The following C3orf70 variants were observed in gnomAD, a reference collection of about 807,000 sequenced individuals.
The protein encoded by C3orf70 is UPF0524 protein C3orf70.
In C3orf70, 15 loss-of-function variants were observed where a neutral mutation model predicts 20.7. That is an observed-to-expected ratio of 0.72 (90% CI 0.48 to 1.11). The LOEUF (loss-of-function observed/expected upper bound fraction) is 1.11. Ranked by LOEUF, C3orf70 falls within the 50% of genes most tolerant of loss-of-function variation. The pLI is 0.00. For synonymous variants in C3orf70, 161 were observed against 125.7 expected, an observed-to-expected ratio of 1.28 and a Z score of -1.88; for missense variants, 332 against 317.6, an observed-to-expected ratio of 1.05 and a Z score of -0.34.
At chr3:185,133,806 T>A (rs548751116) in intron 1 of C3orf70, among the ~76,000 whole-genome samples, 2 of 151,372 alleles carry the variant, frequency 1.3e-5, no homozygotes, top group Middle Eastern at 3.5e-3. Context: ...CATGCAAGCA[T>A]GAAGAAATGA....
At chr3:185,100,857 T>G (rs1715807480) in intron 1 of C3orf70, among the ~76,000 whole-genome samples, 1 of 151,952 alleles carries the variant, frequency 6.6e-6, no homozygotes, top group South Asian at 2.1e-4. Context: ...AAGGGCATAT[T>G]ACAAATGAAC....
chr3:185,079,295 AAAAAAAAAAGT>A lies in C3orf70; in HGVS notation c.*3701_*3711del, dbSNP rs1360072665. ...GACTCTGTCTCAAAAAAAAAAAAAAAAAAAAAAAAGTAAAGCCACCACTCCCAAGATAGAAT... is the reference window on the plus strand; with the variant it reads ...GACTCTGTCTCAAAAAAAAAAAAAAAAAAGCCACCACTCCCAAGATAGAAT... On this transcript the variant is annotated 3_prime_UTR_variant, in exon 2 of 2. Transcript: ENST00000335012. 1 of 150,706 alleles carries A rather than the reference AAAAAAAAAAGT, an allele frequency of 6.6e-6. No individual in the cohort carries two copies. Among genetic ancestry groups the A allele is most frequent in the Admixed American group, 6.6e-5 (1 of 15,146 alleles). 9.3% of individuals were successfully genotyped at this position (150,706 alleles called of 1,614,324 possible).
At chr3:185,122,727 C>T (rs1217328652) in intron 1 of C3orf70, among the ~76,000 whole-genome samples, 1 of 152,150 alleles carries the variant, frequency 6.6e-6, no homozygotes. Context: ...TCTGAGTAGA[C>T]TAGGCAGGAA....
At chr3:185,136,015 T>C (rs924184412) in intron 1 of C3orf70, among the ~76,000 whole-genome samples, 3 of 151,852 alleles carry the variant, frequency 2.0e-5, no homozygotes, top group Non-Finnish European at 2.9e-5. Context: ...TTAAAAGAGA[T>C]TGACAGAATG....
intron 1 of C3orf70, among the ~76,000 whole-genome samples, chr3:185,146,122 G>A (rs1716870180): frequency 6.6e-6 from 1 of 151,794 alleles, no homozygotes; most frequent in Admixed American, 6.6e-5. Context: ...ATCTCTGGAA[G>A]AACCTATCAG....
chr3:185,081,692 AAT>A lies in C3orf70; in HGVS notation c.*1313_*1314del, dbSNP rs1172345718. On this transcript the variant is annotated 3_prime_UTR_variant, in exon 2 of 2. Transcript: ENST00000335012. The stretch of plus-strand genomic sequence containing the variant: ...AGAAGTAGAATTCTGAAGAGAGCTA[AAT>A]AAGAAAGAATTAGTCACTATTTTGT... The A allele has an allele frequency of 6.5e-6, 1 of 152,686 alleles. No homozygotes were observed. Among genetic ancestry groups the A allele is most frequent in the Non-Finnish European group, 1.5e-5 (1 of 68,050 alleles). 9.5% of individuals were successfully genotyped at this position (152,686 alleles called of 1,614,324 possible).
intron 1 of C3orf70, among the ~76,000 whole-genome samples, chr3:185,130,935 G>GT (rs1399883699): frequency 6.6e-6 from 1 of 152,124 alleles, no homozygotes; most frequent in Non-Finnish European, 1.5e-5. Context: ...TTGTATACAA[G>GT]TTTTTTTATG....
intron 1 of C3orf70, among the ~76,000 whole-genome samples, chr3:185,151,899 C>T (rs1215002987): frequency 6.6e-6 from 1 of 152,192 alleles, no homozygotes; most frequent in East Asian, 1.9e-4. Context: ...AGGCAGGAGG[C>T]TAAACACAGA....
intron 1 of C3orf70, among the ~76,000 whole-genome samples, chr3:185,111,598 C>G (rs1716073768): frequency 6.6e-6 from 1 of 152,172 alleles, no homozygotes; most frequent in Admixed American, 6.5e-5. Context: ...CTGTGGAGAA[C>G]TGGAACTCTG....
chr3:185,094,330 T>C (rs1577319874), intron 1 of C3orf70, among the ~76,000 whole-genome samples: 1 of 152,138 alleles, frequency 6.6e-6, no homozygotes, highest in Non-Finnish European at 1.5e-5. Flanking sequence ...GCCCACCTTG[T>C]CCTCCCAAAG....
chr3:185,108,793 T>C (rs1424042423), intron 1 of C3orf70, among the ~76,000 whole-genome samples: 2 of 152,218 alleles, frequency 1.3e-5, no homozygotes, highest in African/African-American at 4.8e-5. Context: ...CTTTGGCAAA[T>C]GGATGTCACA....
intron 1 of C3orf70, among the ~76,000 whole-genome samples, chr3:185,096,793 C>T (rs1577320787): frequency 1.3e-5 from 2 of 152,064 alleles, no homozygotes; most frequent in Admixed American, 6.5e-5. Context: ...GACCTCCTGC[C>T]CACACTAAGC....
chr3:185,135,699 A>G (rs1326087373), intron 1 of C3orf70, among the ~76,000 whole-genome samples: 1 of 152,216 alleles, frequency 6.6e-6, no homozygotes, highest in Non-Finnish European at 1.5e-5. Context: ...ATGAATACCC[A>G]AAATGCCCTA....
intron 1 of C3orf70, among the ~76,000 whole-genome samples, chr3:185,090,023 A>G (rs2108587965): frequency 6.6e-6 from 1 of 152,354 alleles, no homozygotes; most frequent in East Asian, 1.9e-4. Flanking sequence ...AAGAGTTATT[A>G]CATTCTCAAA....
In C3orf70 at chr3:185,076,845, C is replaced by G. The variant is rs148016168; in HGVS notation, c.*6162G>C. Among the ~76,000 whole-genome samples the G allele has an allele frequency of 3.1e-4, 47 of 152,248 alleles. No individual in the cohort carries two copies. In the East Asian group the frequency reaches 7.1e-3, roughly 23 times the overall value. On this transcript the variant is annotated 3_prime_UTR_variant, in exon 2 of 2. Coordinates refer to ENST00000335012, the MANE Select transcript of C3orf70 (RefSeq NM_001025266.3). The stretch of plus-strand genomic sequence containing the variant: ...ACTGAATTGTAATGAGGATGAGATG[C>G]TAAATTAAAGTTTATTGCAGAATAA...
chr3:185,091,912 C>CATAT (rs869291177), intron 1 of C3orf70, among the ~76,000 whole-genome samples: 21 of 35,872 alleles, frequency 5.9e-4, no homozygotes, highest in South Asian at 3.4e-3. Context: ...CACACACATA[C>CATAT]ATATATATAT....
At chr3:185,129,062 G>A (rs984412783) in intron 1 of C3orf70, among the ~76,000 whole-genome samples, 1 of 151,894 alleles carries the variant, frequency 6.6e-6, no homozygotes, top group African/African-American at 2.4e-5. Flanking sequence ...ATTTTTTTCT[G>A]TGAGTCAAAG....
intron 1 of C3orf70, among the ~76,000 whole-genome samples, chr3:185,117,112 A>G (rs1202868731): frequency 1.3e-5 from 2 of 152,166 alleles, no homozygotes; most frequent in Non-Finnish European, 2.9e-5. Flanking sequence ...GAGAAACCAC[A>G]TTTATGGAAA....
intron 1 of C3orf70, among the ~76,000 whole-genome samples, chr3:185,131,002 T>C (rs1716512268): frequency 6.6e-6 from 1 of 152,344 alleles, no homozygotes; most frequent in Admixed American, 6.5e-5. Flanking sequence ...AGTCATATGG[T>C]AACCCTATGT....
Sources: gnomAD v4.1 joint callset for allele counts (sites outside exome capture counted in the v4.1 genomes callset) on GRCh38, gnomAD v4.1.1 for gene constraint, MANE v1.5 for transcripts, NCBI Gene and HGNC (gene_info 2026-07-23, HGNC 2026-07-21) for gene names.